Variants in TGM7 observed in about 807,000 individuals in gnomAD.
TGM7 encodes the protein protein-glutamine gamma-glutamyltransferase Z.
In TGM7, 74 loss-of-function variants were observed where a neutral mutation model predicts 79.5. That is an observed-to-expected ratio of 0.93 (90% CI 0.77 to 1.13). The LOEUF (loss-of-function observed/expected upper bound fraction) is 1.13. Ranked by LOEUF, TGM7 falls within the 50% of genes most tolerant of loss-of-function variation. The pLI is 0.00. For synonymous variants in TGM7, 354 were observed against 362.5 expected (o/e 0.98, Z 0.27); for missense variants, 912 against 905.9 (o/e 1.01, Z -0.09).
Position 43,276,272 on chromosome 15 carries a change from G to T in TGM7, c.*183C>A. On this transcript the variant is annotated 3_prime_UTR_variant, in exon 13 of 13. Transcript: ENST00000452443. ...CAGGAGCAATAAGTGGCTTGAGAATGCTGGTGATAAATAAAGACATCTTTA... is the reference window on the plus strand; with the variant it reads ...CAGGAGCAATAAGTGGCTTGAGAATTCTGGTGATAAATAAAGACATCTTTA... 1.4e-6 allele frequency: 1 copy of T among 724,494 alleles called. No homozygotes were observed. The highest frequency in any genetic ancestry group is 2.2e-6 in the Non-Finnish European group (1 of 464,330). The allele number at this position is 724,494 out of a possible 1,614,324, so 44.9% of individuals were successfully genotyped here.
chr15:43,296,822 C>T (rs2142421763), intron 1 of TGM7, among the ~76,000 whole-genome samples: 1 of 152,254 alleles, frequency 6.6e-6, no homozygotes, highest in South Asian at 2.1e-4. Context: ...CCACTGGACA[C>T]TCAGGTTTTC....
chr15:43,282,015 G>A lies in TGM7; in HGVS notation c.1180C>T (p.Pro394Ser). 6.2e-7 allele frequency: 1 copy of A among 1,614,176 alleles called. No individual in the cohort carries two copies. Among genetic ancestry groups the A allele is most frequent in the Non-Finnish European group, 8.5e-7 (1 of 1,180,026 alleles). Reference protein sequence around the residue: ...EGDVHLAYDTPFVYAEVNADE... With the variant: ...EGDVHLAYDTSFVYAEVNADE... ...GCGTTCACCTCGGCATACACAAAAG[G>A]GGTGTCATAGGCCAGGTGGACATCC... is the stretch of plus-strand genomic sequence containing the variant. The change falls in exon 9 of 13, where the codon CCT becomes TCT. Residue 394 changes from proline (P) to serine (S), a missense_variant. By Grantham distance (74) the Pro-to-Ser change is moderately conservative. Transcript: ENST00000452443.
chr15:43,291,957 C>G, intron 4 of TGM7, 22 bp downstream of exon 4: 1 of 1,587,574 alleles, frequency 6.3e-7, no homozygotes, highest in Non-Finnish European at 8.7e-7. Flanking sequence ...CACCCCAGGC[C>G]CACATTGGGT....
rs112660549 is a variant in TGM7 at position 43,284,958 on chromosome 15, G to A, written c.866-6C>T. On this transcript the variant is annotated splice_polypyrimidine_tract_variant and splice_region_variant and intron_variant, in intron 6 of 12. Transcript: ENST00000452443. ...AACACCTAAGCATCTCATTACTAAA[G>A]AGAAAAATATAGAGAATCGCTGAGT... 6 of 1,613,848 alleles carry A rather than the reference G, an allele frequency of 3.7e-6. No homozygotes were observed. Among genetic ancestry groups the A allele is most frequent in the Middle Eastern group, 1.6e-4 (1 of 6,084 alleles).
intron 4 of TGM7, among the ~76,000 whole-genome samples, chr15:43,290,497 G>A (rs1387413540): frequency 2.0e-4 from 30 of 152,268 alleles, no homozygotes; most frequent in South Asian, 4.1e-4. Flanking sequence ...GTCAGGTAGC[G>A]TGATGCCTCC....
chr15:43,300,812 T>C (rs943007417), intron 1 of TGM7, among the ~76,000 whole-genome samples: 4 of 152,010 alleles, frequency 2.6e-5, no homozygotes, highest in Non-Finnish European at 5.9e-5. Flanking sequence ...CTCAAAAATA[T>C]ATGTGTATAT....
At chr15:43,299,213 CT>C (rs1435618107) in intron 1 of TGM7, among the ~76,000 whole-genome samples, 1 of 152,130 alleles carries the variant, frequency 6.6e-6, no homozygotes, top group African/African-American at 2.4e-5. Flanking sequence ...TAAAGGCAGG[CT>C]TTTGAGCAGG....
At position 43,280,342 on chromosome 15, in the gene TGM7, G is replaced by A. The variant is rs149342192; in HGVS notation, c.1352-391C>T. Among the ~76,000 whole-genome samples the A allele has an allele frequency of 8.1e-4, 123 of 152,182 alleles. 1 individual carries two copies. Among genetic ancestry groups the A allele is most frequent in the African/African-American group, 2.6e-3 (110 of 41,514 alleles). ...TGCTCGAAACATAAAAAAGAGCTTC[G>A]GCCAGGCGCAGTGGCTCACACCTGT... On this transcript the variant is annotated intron_variant, in intron 9 of 12. Transcript: ENST00000452443.
intron 1 of TGM7, among the ~76,000 whole-genome samples, chr15:43,294,040 G>C (rs192073628): frequency 2.6e-5 from 4 of 151,978 alleles, no homozygotes; most frequent in African/African-American, 9.7e-5. Context: ...CCAGATAACC[G>C]AAACTTAACC....
At chr15:43,298,411 T>C (rs541438357) in intron 1 of TGM7, among the ~76,000 whole-genome samples, 3 of 152,242 alleles carry the variant, frequency 2.0e-5, no homozygotes, top group African/African-American at 7.2e-5. Flanking sequence ...CCCTGATGGG[T>C]AGATAAAATG....
chr15:43,296,641 C>G (rs964845046), intron 1 of TGM7, among the ~76,000 whole-genome samples: 1 of 152,030 alleles, frequency 6.6e-6, no homozygotes, highest in African/African-American at 2.4e-5. Flanking sequence ...TCAGGGTAGC[C>G]TTTTCCTGGC....
intron 6 of TGM7, among the ~76,000 whole-genome samples, chr15:43,286,912 A>G (rs1228098856): frequency 2.6e-5 from 4 of 152,168 alleles, no homozygotes; most frequent in African/African-American, 9.7e-5. Flanking sequence ...GAGGTCAGCT[A>G]TCTCACGCCA....
chr15:43,294,108 C>G (rs2042980916), intron 1 of TGM7, among the ~76,000 whole-genome samples: 1 of 152,122 alleles, frequency 6.6e-6, no homozygotes. Flanking sequence ...AAAAGTCACC[C>G]TTTTATCCTA....
chr15:43,285,026 A>G, intron 6 of TGM7, 74 bp from the exon 7 acceptor site: 2 of 1,578,550 alleles, frequency 1.3e-6, no homozygotes, highest in Non-Finnish European at 1.7e-6. Flanking sequence ...ATAATTTGTA[A>G]CTTTCAAGCT....
Position 43,284,826 on chromosome 15 carries a change from C to T in TGM7, c.992G>A (p.Arg331Gln), listed in dbSNP as rs564064529. Reference protein sequence around the residue: ...RNAEMLSTQKRDKIWNFHVWN... With the variant: ...RNAEMLSTQKQDKIWNFHVWN... ...CAGTGCCTCTCACCATATTTTGTCT[C>T]GTTTCTGAGTTGACAGCATCTCGGC... is the stretch of plus-strand genomic sequence containing the variant. The change falls in exon 7 of 13, where the codon CGA becomes CAA. Residue 331 changes from arginine (R) to glutamine (Q), a missense_variant. Transcript: ENST00000452443. The T allele has an allele frequency of 1.1e-5, 18 of 1,614,174 alleles. No homozygotes were observed. The highest frequency in any genetic ancestry group is 2.2e-5 in the East Asian group (1 of 44,884).
rs1433733183 is a variant in TGM7 at position 43,292,786 on chromosome 15, T to C, written c.362A>G (p.Glu121Gly). 5.6e-6 allele frequency: 9 copies of C among 1,614,032 alleles called. No homozygotes were observed. The highest frequency in any genetic ancestry group is 1.6e-4 in the Middle Eastern group (1 of 6,082). ...ACTGTGACCTTGGCCCTGAGAGATCTCTATTTTCAGAGTGTAATGGCCAAT... is the reference window on the plus strand; with the variant it reads ...ACTGTGACCTTGGCCCTGAGAGATCCCTATTTTCAGAGTGTAATGGCCAAT... ...AVIGHYTLKIEISQGQGHSVT... is the reference protein window; with the variant it reads ...AVIGHYTLKIGISQGQGHSVT... Residue 121 changes from glutamate (E) to glycine (G), a missense_variant, in exon 3 of 13, where the codon GAG becomes GGG. By Grantham distance (98) the Glu-to-Gly change is moderately conservative (BLOSUM62 -2). Transcript: ENST00000452443.
chr15:43,287,590 C>G lies in TGM7; in HGVS notation c.638G>C (p.Cys213Ser), dbSNP rs763399565. Residue 213 changes from cysteine to serine, a missense_variant, in exon 5 of 13, where the codon TGT (cysteine) becomes TCT (serine). Cys to Ser is a moderately radical substitution (Grantham distance 112, BLOSUM62 -1). Transcript: ENST00000452443. ...LYHLKNPAKD[C>S]SQRNDVVYVC... ...ATACACCACGTCGTTCCGCTGGGAA[C>G]AGTCTTTGGCCGGGTTCTTTAAGTG... is the stretch of plus-strand genomic sequence containing the variant. 6.2e-7 allele frequency: 1 copy of G among 1,614,172 alleles called. No homozygotes were observed. The highest frequency in any genetic ancestry group is 8.5e-7 in the Non-Finnish European group (1 of 1,180,028).
Position 43,287,529 on chromosome 15 carries a change from A to G in TGM7, c.687+12T>C. The G allele has an allele frequency of 6.2e-7, 1 of 1,613,478 alleles. No individual in the cohort carries two copies. Among genetic ancestry groups the G allele is most frequent in the East Asian group, 2.2e-5 (1 of 44,874 alleles). ...AGACTGTCCTCAGACGGCGGGAAGC[A>G]TCCATCCTTACCATGGCACTCACCA... is the stretch of plus-strand genomic sequence containing the variant. On this transcript the variant is annotated intron_variant, in intron 5 of 12. Coordinates refer to ENST00000452443, the MANE Select transcript of TGM7 (RefSeq NM_052955.3).
chr15:43,281,717 G>T, intron 9 of TGM7, 127 bp downstream of exon 9: 1 of 1,406,130 alleles, frequency 7.1e-7, no homozygotes, highest in Non-Finnish European at 9.7e-7. Context: ...ATCCAGGAAG[G>T]ACCCCTAGGA....
Sources: gnomAD v4.1 joint callset for allele counts (sites outside exome capture counted in the v4.1 genomes callset) on GRCh38, gnomAD v4.1.1 for gene constraint, MANE v1.5 for transcripts, NCBI Gene and HGNC (gene_info 2026-07-23, HGNC 2026-07-21) for gene names.